Variants in RAPGEF6 observed in about 807,000 individuals in gnomAD.
The protein encoded by RAPGEF6 is Rap guanine nucleotide exchange factor 6, also known as PDZ domain containing guanine nucleotide exchange factor (GEF) 2.
Under a neutral mutation model 171.4 loss-of-function variants are expected in RAPGEF6, and 56 were observed. The ratio of observed to expected loss-of-function variants is 0.33; its 90% CI spans 0.26 to 0.41. The LOEUF (loss-of-function observed/expected upper bound fraction) is 0.41. Ranked by LOEUF, RAPGEF6 falls within the 10% of genes least tolerant of loss-of-function variation. The pLI, the probability that RAPGEF6 is intolerant of heterozygous loss-of-function variation, is 1.00. For missense variants in RAPGEF6, 1,674 were observed against 1,921.4 expected (o/e 0.87, Z 2.41); for synonymous variants, 692 against 650.1 (o/e 1.06, Z -0.98).
intron 1 of RAPGEF6, among the ~76,000 whole-genome samples, chr5:131,633,642 A>T (rs1766452970): frequency 6.6e-6 from 1 of 151,518 alleles, no homozygotes; most frequent in Non-Finnish European, 1.5e-5. Flanking sequence ...GAGGCAGAAA[A>T]ATCGCTTGAA....
rs144501266 is a variant in RAPGEF6 at position 131,613,363 on chromosome 5, T to C, written c.70-8670A>G. On this transcript the variant is annotated intron_variant, in intron 1 of 27. Transcript: ENST00000509018. ...AGGCAGGGCTTGCAGTGAGCTGAGATTGCGCCACTGCACTCCAGCCTGGGC... is the reference window on the plus strand; with the variant it reads ...AGGCAGGGCTTGCAGTGAGCTGAGACTGCGCCACTGCACTCCAGCCTGGGC... Among the ~76,000 whole-genome samples, 21 of 152,212 alleles carry C rather than the reference T, an allele frequency of 1.4e-4. No homozygotes were observed. In the East Asian group the frequency reaches 3.3e-3, roughly 24 times the overall value.
At chr5:131,610,975 TTCCCA>T (rs1764901180) in intron 1 of RAPGEF6, among the ~76,000 whole-genome samples, 3 of 152,198 alleles carry the variant, frequency 2.0e-5, no homozygotes, top group Admixed American at 2.0e-4. Context: ...GGGGCCCAGC[TTCCCA>T]TGCGATACTC....
intron 5 of RAPGEF6, among the ~76,000 whole-genome samples, chr5:131,559,977 A>T (rs893686897): frequency 6.6e-6 from 1 of 152,228 alleles, no homozygotes; most frequent in Non-Finnish European, 1.5e-5. Flanking sequence ...GGAGTTAATC[A>T]AATCTGTACA....
rs186759495 is a variant in RAPGEF6 at position 131,480,961 on chromosome 5, C to T, written c.1841-1208G>A. Among the ~76,000 whole-genome samples, 321 of 149,984 alleles carry T rather than the reference C, an allele frequency of 2.1e-3. 1 individual carries two copies. The highest frequency in any genetic ancestry group is 7.5e-3 in the African/African-American group (304 of 40,698). ...TTTTTTTAATTTTGAGACAGAGTTTCGCTCTTGTTGTCCAGGCTGGAGTGC... is the reference window on the plus strand; with the variant it reads ...TTTTTTTAATTTTGAGACAGAGTTTTGCTCTTGTTGTCCAGGCTGGAGTGC... On this transcript the variant is annotated intron_variant, in intron 15 of 27. Transcript: ENST00000509018.
Position 131,472,729 on chromosome 5 carries a change from G to C in RAPGEF6, c.2097C>G (p.Ser699Arg), listed in dbSNP as rs758063931. Residue 699 changes from serine (S) to arginine (R), a missense_variant, in exon 17 of 28, where the codon AGC becomes AGG. Physicochemically the swap from Ser to Arg is moderately radical, Grantham distance 110. Transcript: ENST00000509018. ...CCACAATGCTGTCATCTTGTGATTG[G>C]CTTAGGCCTCCATCACTTCAAAAGA... ...PPKLFSDGGLSQSQDDSIVGT... is the reference protein window; with the variant it reads ...PPKLFSDGGLRQSQDDSIVGT... 1.2e-6 allele frequency: 2 copies of C among 1,610,976 alleles called. No individual in the cohort carries two copies. The highest frequency in any genetic ancestry group is 1.7e-6 in the Non-Finnish European group (2 of 1,177,168).
chr5:131,528,129 T>C (rs13158717), intron 6 of RAPGEF6, among the ~76,000 whole-genome samples: 8 of 110,136 alleles, frequency 7.3e-5, no homozygotes, highest in African/African-American at 2.7e-4. Flanking sequence ...AAAATATATA[T>C]TATATAATAT....
At chr5:131,581,341 TCTAA>T (rs774522793) in intron 4 of RAPGEF6, among the ~76,000 whole-genome samples, 9 of 152,320 alleles carry the variant, frequency 5.9e-5, no homozygotes, top group South Asian at 2.1e-4. Context: ...CTGGCTACTC[TCTAA>T]CTGAGTATCC....
intron 16 of RAPGEF6, among the ~76,000 whole-genome samples, chr5:131,474,487 C>T (rs1023838740): frequency 6.6e-6 from 1 of 151,882 alleles, no homozygotes; most frequent in Non-Finnish European, 1.5e-5. Context: ...TGTACAAACA[C>T]AGAAGGGAGA....
chr5:131,430,049 C>CA (rs200813208), intron 26 of RAPGEF6, among the ~76,000 whole-genome samples: 15,401 of 86,018 alleles, frequency 0.18, 2,171 homozygotes, highest in African/African-American at 0.41. Flanking sequence ...GAGTCCATCT[C>CA]AAAAAAAAAA....
intron 14 of RAPGEF6, among the ~76,000 whole-genome samples, chr5:131,490,273 T>C (rs1756192209): frequency 6.6e-6 from 1 of 151,552 alleles, no homozygotes; most frequent in Non-Finnish European, 1.5e-5. Flanking sequence ...AAAGATATAA[T>C]GAGCAAAAAC....
At chr5:131,511,241 T>TA (rs1235415759) in intron 7 of RAPGEF6, 1 of 152,112 alleles carries the variant, frequency 6.6e-6, no homozygotes, top group Admixed American at 6.5e-5. Context: ...TTTTAGAAGA[T>TA]AAAATGGTAC....
Position 131,446,546 on chromosome 5 carries a change from C to G in RAPGEF6, c.3358G>C (p.Val1120Leu), listed in dbSNP as rs780359039. The change falls in exon 22 of 28, where the codon GTA becomes CTA. Residue 1120 changes from valine (V) to leucine (L), a missense_variant. Val to Leu is a conservative substitution (Grantham distance 32). This residue lies in a region of RAPGEF6 where 552 missense variants were observed against 574.2 expected (regional missense o/e 0.96). Transcript: ENST00000509018. ...KVKQYLSSLD[V>L]ETDEEKFQMM... ...TGGAACTTCTCCTCATCTGTCTCTACATCGAGACTGGAAAGATACTGCTTC... is the reference window on the plus strand; with the variant it reads ...TGGAACTTCTCCTCATCTGTCTCTAGATCGAGACTGGAAAGATACTGCTTC... 8.7e-6 allele frequency: 14 copies of G among 1,614,130 alleles called. No individual in the cohort carries two copies. The highest frequency in any genetic ancestry group is 2.7e-5 in the African/African-American group (2 of 74,948).
At chr5:131,596,852 C>A (rs1763934215) in intron 3 of RAPGEF6, among the ~76,000 whole-genome samples, 2 of 152,084 alleles carry the variant, frequency 1.3e-5, no homozygotes, top group South Asian at 4.1e-4. Context: ...AAAGCGAAGA[C>A]CTCAAAACAC....
intron 24 of RAPGEF6, among the ~76,000 whole-genome samples, chr5:131,435,153 CTTA>C: frequency 6.6e-6 from 1 of 152,152 alleles, no homozygotes; most frequent in Middle Eastern, 3.2e-3. Context: ...GCACAGTAAT[CTTA>C]TTAAGTCGTT....
rs766238651 is a variant in RAPGEF6, at chr5:131,449,975, TAA to T, written c.3200+3077_3200+3078del. 9.3e-6 allele frequency: 14 copies of T among 1,501,142 alleles called. No individual in the cohort carries two copies. The African/African-American group carries it at 1.7e-4, about 18-fold the overall frequency. 93.0% of individuals were successfully genotyped at this position (1,501,142 alleles called of 1,614,324 possible). On this transcript the variant is annotated intron_variant, in intron 21 of 27. Transcript: ENST00000509018. Reference sequence around the variant, plus strand: ...TTAATGAAAAGGATGCAATATATGTTAAGAGTCGCACAACCTTCATTCCAGTT... The same window carrying T: ...TTAATGAAAAGGATGCAATATATGTTGAGTCGCACAACCTTCATTCCAGTT...
chr5:131,433,864 A>G (rs1056869781), intron 24 of RAPGEF6, among the ~76,000 whole-genome samples: 2 of 152,170 alleles, frequency 1.3e-5, no homozygotes, highest in African/African-American at 4.8e-5. Flanking sequence ...TCCACACCAC[A>G]CCAATACAAC....
intron 24 of RAPGEF6, among the ~76,000 whole-genome samples, chr5:131,437,292 TTC>T (rs756586755): frequency 8.5e-5 from 13 of 152,332 alleles, no homozygotes; most frequent in East Asian, 5.8e-4. Flanking sequence ...GAGAAAATAC[TTC>T]TCTATTCGAG....
Position 131,428,924 on chromosome 5 carries a change from A to C in RAPGEF6, c.4758T>G (p.Thr1586=), listed in dbSNP as rs775676597. 4 of 1,613,970 alleles carry C rather than the reference A, an allele frequency of 2.5e-6. No homozygotes were observed. The highest frequency in any genetic ancestry group is 3.3e-4 in the Middle Eastern group (2 of 6,058). ...QPFHPKLGDV[T]DADSEADENE... ...TACCATCTGCTTCGCTATCTGCATC[A>C]GTCACATCTCCTAGTTTAGGATGGA... Residue 1586 remains threonine, a synonymous_variant, in exon 27 of 28, where the codon ACT becomes ACG. Coordinates refer to ENST00000509018, the MANE Select transcript of RAPGEF6 (RefSeq NM_016340.6).
intron 16 of RAPGEF6, 102 bp from the exon 17 acceptor site, chr5:131,472,846 G>A: frequency 9.7e-7 from 1 of 1,026,654 alleles, no homozygotes; most frequent in East Asian, 2.6e-5. Context: ...CCAATTCAAA[G>A]AGGTGATTTA....
Sources: gnomAD v4.1 joint callset for allele counts (sites outside exome capture counted in the v4.1 genomes callset) on GRCh38, gnomAD v4.1.1 for gene constraint, gnomAD v4.1.1 regional missense constraint, MANE v1.5 for transcripts, NCBI Gene and HGNC (gene_info 2026-07-23, HGNC 2026-07-21) for gene names.